PNPLA1: variants seen among roughly 807,000 people sequenced by gnomAD.
PNPLA1 encodes the protein omega-hydroxyceramide transacylase.
A neutral mutation model predicts 51.7 loss-of-function variants in PNPLA1; 36 were observed. That is an observed-to-expected ratio of 0.70 (90% CI 0.53 to 0.92). The LOEUF (loss-of-function observed/expected upper bound fraction) is 0.92. Among genes scored for constraint, PNPLA1 ranks in the 40% least tolerant of loss-of-function variants. The pLI, the probability that PNPLA1 is intolerant of heterozygous loss-of-function variation, is 0.00. For missense variants in PNPLA1, 658 were observed against 682.5 expected (o/e 0.96, Z 0.40); for synonymous variants, 293 against 280.1 (o/e 1.05, Z -0.46).
chr6:36,264,891 C>T (rs1713590338), intron 1 of PNPLA1, among the ~76,000 whole-genome samples: 2 of 152,344 alleles, frequency 1.3e-5, no homozygotes, highest in East Asian at 1.9e-4. Context: ...CAAACTTTCT[C>T]CTCTCTCCTT....
Position 36,270,403 on chromosome 6 carries a change from G to A in PNPLA1, c.-57G>A, listed in dbSNP as rs762137270. The A allele has an allele frequency of 3.3e-6, 5 of 1,532,498 alleles. No individual in the cohort carries two copies. Among genetic ancestry groups the A allele is most frequent in the Admixed American group, 2.0e-5 (1 of 50,866 alleles). 94.9% of individuals were successfully genotyped at this position (1,532,498 alleles called of 1,614,324 possible). ...TACAGGGAGCGGCAGCCCAGGCTCG[G>A]GCAGGCAAGTGCTGAAGGGTGGCTC... On this transcript the variant is annotated 5_prime_UTR_variant, in exon 1 of 9. Transcript: ENST00000636260.
At position 36,270,337 on chromosome 6, in the gene PNPLA1, T is replaced by G; in HGVS notation, c.-123T>G. The G allele has an allele frequency of 9.8e-7, 1 of 1,019,406 alleles. No individual in the cohort carries two copies. The allele number at this position is 1,019,406 out of a possible 1,614,324, so 63.1% of individuals were successfully genotyped here. On this transcript the variant is annotated 5_prime_UTR_variant, in exon 1 of 9. It adds an upstream start codon to the 5' untranslated region. Transcript: ENST00000636260. Reference sequence around the variant, plus strand: ...TCCAGCCGGGTAGAGACAGCCACATTCCAAGCTCCGGGGTGGCAGGGAAGC... The same window carrying G: ...TCCAGCCGGGTAGAGACAGCCACATGCCAAGCTCCGGGGTGGCAGGGAAGC...
intron 5 of PNPLA1, among the ~76,000 whole-genome samples, chr6:36,295,885 G>A (rs1174680652): frequency 6.6e-6 from 1 of 152,180 alleles, no homozygotes; most frequent in Non-Finnish European, 1.5e-5. Context: ...ACAGAGAAGA[G>A]CCCTTGCCCT....
upstream of PNPLA1, among the ~76,000 whole-genome samples, chr6:36,267,421 C>G (rs559697706): frequency 6.6e-6 from 1 of 152,318 alleles, no homozygotes; most frequent in African/African-American, 2.4e-5. Context: ...TGGGTATAGT[C>G]ACGGATTTCT....
chr6:36,270,814 C>G, intron 1 of PNPLA1, 150 bp downstream of exon 1: 1 of 961,736 alleles, frequency 1.0e-6, no homozygotes, highest in Non-Finnish European at 1.5e-6. Flanking sequence ...AGTAGGATAG[C>G]GGCAGCTGTG....
intron 1 of PNPLA1, among the ~76,000 whole-genome samples, chr6:36,286,944 C>A (rs1770510855): frequency 6.6e-6 from 1 of 152,156 alleles, no homozygotes; most frequent in African/African-American, 2.4e-5. Flanking sequence ...TCTCAGCCTC[C>A]CAATGTGCTG....
Position 36,302,275 on chromosome 6 carries a change from C to A in PNPLA1, c.1190C>A (p.Ser397Ter). ...CTGCCCACCCCACCACCTGGACTGTCACCTCTGTCACCTCAGCAGCAGGTA... is the reference window on the plus strand; with the variant it reads ...CTGCCCACCCCACCACCTGGACTGTAACCTCTGTCACCTCAGCAGCAGGTA... ...SSLPTPPPGL[S>*]PLSPQQQVQP... The change falls in exon 6 of 9, where the codon TCA becomes TAA. Residue 397 changes from serine (S) to a stop codon, truncating the protein, a stop_gained. Transcript: ENST00000636260. LOFTEE classifies it high-confidence loss of function. 1.2e-6 allele frequency: 2 copies of A among 1,614,138 alleles called. No homozygotes were observed. Among genetic ancestry groups the A allele is most frequent in the Non-Finnish European group, 1.7e-6 (2 of 1,180,020 alleles).
chr6:36,276,930 G>A lies in PNPLA1; in HGVS notation c.205+6266G>A, dbSNP rs560188605. Among the ~76,000 whole-genome samples the A allele has an allele frequency of 1.2e-3, 177 of 152,334 alleles. 2 individuals carry two copies. The highest frequency in any genetic ancestry group is 1.1e-3 in the African/African-American group (46 of 41,580). On this transcript the variant is annotated intron_variant, in intron 1 of 8. Transcript: ENST00000636260. ...CACCTACCAAACAGTTATAATACAA[G>A]AAAGTTCCTATTGAATGTTAGAGAA...
intron 1 of PNPLA1, among the ~76,000 whole-genome samples, chr6:36,273,195 G>C (rs561011686): frequency 1.3e-5 from 2 of 151,782 alleles, no homozygotes; most frequent in Admixed American, 6.6e-5. Flanking sequence ...CAGTGAGATC[G>C]CGCTACTACA....
intron 1 of PNPLA1, among the ~76,000 whole-genome samples, chr6:36,279,472 T>C (rs1770211136): frequency 6.6e-6 from 1 of 152,236 alleles, no homozygotes; most frequent in Non-Finnish European, 1.5e-5. Context: ...CCTTCCTCTT[T>C]GAGAACCTCG....
chr6:36,307,034 G>A (rs957368260), intron 7 of PNPLA1, among the ~76,000 whole-genome samples: 1 of 152,148 alleles, frequency 6.6e-6, no homozygotes, highest in Non-Finnish European at 1.5e-5. Context: ...GGGAGGCACA[G>A]CAGGAGATCA....
chr6:36,275,952 CT>C (rs1157125317), intron 1 of PNPLA1, among the ~76,000 whole-genome samples: 1 of 148,766 alleles, frequency 6.7e-6, no homozygotes, highest in African/African-American at 2.5e-5. Flanking sequence ...ATGGCATTTT[CT>C]TTCTTTCTTT....
intron 1 of PNPLA1, among the ~76,000 whole-genome samples, chr6:36,280,219 A>G (rs1015931407): frequency 6.6e-6 from 1 of 152,168 alleles, no homozygotes; most frequent in Non-Finnish European, 1.5e-5. Context: ...AACAAAAACA[A>G]AAACATAGAT....
At chr6:36,265,386 G>T (rs955493250), upstream of PNPLA1, among the ~76,000 whole-genome samples, 3 of 151,914 alleles carry the variant, frequency 2.0e-5, no homozygotes, top group Non-Finnish European at 4.4e-5. Context: ...TTTCAGGAGG[G>T]GTAGGGAAGA....
At chr6:36,296,841 G>A (rs554436968) in intron 5 of PNPLA1, among the ~76,000 whole-genome samples, 60 of 152,078 alleles carry the variant, frequency 3.9e-4, no homozygotes, top group Admixed American at 1.2e-3. Context: ...TTCCTAATCT[G>A]TAAAAAAAAG....
At chr6:36,285,236 C>G (rs2127338614) in intron 1 of PNPLA1, among the ~76,000 whole-genome samples, 1 of 152,348 alleles carries the variant, frequency 6.6e-6, no homozygotes, top group South Asian at 2.1e-4. Flanking sequence ...CGGCGCCTCC[C>G]CAGGGGCTGC....
chr6:36,274,332 G>T (rs866586112), intron 1 of PNPLA1, among the ~76,000 whole-genome samples: 1 of 152,132 alleles, frequency 6.6e-6, no homozygotes, highest in Non-Finnish European at 1.5e-5. Context: ...GATGTTAAGG[G>T]GTGAGGAGGC....
intron 1 of PNPLA1, among the ~76,000 whole-genome samples, chr6:36,250,923 C>T (rs1284762924): frequency 6.6e-6 from 1 of 152,146 alleles, no homozygotes; most frequent in Non-Finnish European, 1.5e-5. Context: ...AGGATGGTCT[C>T]GATCTCCTGA....
intron 8 of PNPLA1, among the ~76,000 whole-genome samples, chr6:36,311,315 G>T (rs187520597): frequency 5.9e-5 from 9 of 152,218 alleles, no homozygotes; most frequent in Non-Finnish European, 1.3e-4. Flanking sequence ...TGAGGATAAG[G>T]GTGTGGGAGG....
Sources: gnomAD v4.1 joint callset for allele counts (sites outside exome capture counted in the v4.1 genomes callset) on GRCh38, gnomAD v4.1.1 for gene constraint, MANE v1.5 for transcripts, NCBI Gene and HGNC (gene_info 2026-07-23, HGNC 2026-07-21) for gene names.